IQSEC1: variants seen among roughly 807,000 people sequenced by gnomAD.
The protein encoded by IQSEC1 is IQ motif and Sec7 domain ArfGEF 1.
A neutral mutation model predicts 91.0 loss-of-function variants in IQSEC1; 31 were observed. The ratio of observed to expected loss-of-function variants is 0.34; its 90% CI spans 0.26 to 0.46. IQSEC1 has a LOEUF of 0.46. Ranked by LOEUF, IQSEC1 falls within the 20% of genes least tolerant of loss-of-function variation. The pLI, the probability that IQSEC1 is intolerant of heterozygous loss-of-function variation, is 1.00. For synonymous variants in IQSEC1, 699 were observed against 662.6 expected (o/e 1.05, Z -0.84); for missense variants, 1,388 against 1,575.6 (o/e 0.88, Z 2.02).
chr3:13,153,784 T>C (rs572768073), intron 2 of IQSEC1, among the ~76,000 whole-genome samples: 12 of 152,320 alleles, frequency 7.9e-5, no homozygotes, highest in African/African-American at 2.9e-4. Flanking sequence ...CCTTCCCAGC[T>C]GGGCAGTGAG....
At chr3:13,109,761 A>G (rs1030488148) in intron 2 of IQSEC1, among the ~76,000 whole-genome samples, 18 of 148,012 alleles carry the variant, frequency 1.2e-4, no homozygotes, top group African/African-American at 4.2e-4. Context: ...TGCTTCCCGT[A>G]TAGCCTGCAG....
chr3:13,221,377 G>A (rs1466332030), intron 1 of IQSEC1, among the ~76,000 whole-genome samples: 1 of 152,244 alleles, frequency 6.6e-6, no homozygotes, highest in East Asian at 1.9e-4. Flanking sequence ...TGCGGTAGGA[G>A]CCAGGGAGAG....
At chr3:13,072,023 G>A (rs461693) in intron 1 of IQSEC1, among the ~76,000 whole-genome samples, 78,088 of 151,674 alleles carry the variant, frequency 0.51, 20,289 homozygotes, top group East Asian at 0.65. Flanking sequence ...GGCCTCCATC[G>A]ATTAGGGAGG....
intron 1 of IQSEC1, among the ~76,000 whole-genome samples, chr3:13,273,811 T>C (rs1372110641): frequency 6.6e-6 from 1 of 152,174 alleles, no homozygotes; most frequent in Non-Finnish European, 1.5e-5. Context: ...TGGGCCCACA[T>C]GGCCCTGCTG....
chr3:12,963,654 G>C (rs1700378123), intron 1 of IQSEC1, among the ~76,000 whole-genome samples: 1 of 152,208 alleles, frequency 6.6e-6, no homozygotes, highest in South Asian at 2.1e-4. Flanking sequence ...CTCAGAGATG[G>C]AAGGCAACAT....
Position 12,908,199 on chromosome 3 carries a change from A to G in IQSEC1, c.2755+150T>C, listed in dbSNP as rs1695190467. 2 of 771,470 alleles carry G rather than the reference A, an allele frequency of 2.6e-6. No individual in the cohort carries two copies. Among genetic ancestry groups the G allele is most frequent in the Non-Finnish European group, 4.1e-6 (2 of 491,056 alleles). 47.8% of individuals were successfully genotyped at this position (771,470 alleles called of 1,614,324 possible). On this transcript the variant is annotated intron_variant, in intron 12 of 13. Transcript: ENST00000613206. The surrounding 1 kb of genome is among the most constrained non-coding windows in gnomAD (Gnocchi z 4.9). ...TTGGGGCGCCCTTTCTGTATGTCAC[A>G]CGCTGCTCTGCTTTGCGGAAGGTCA...
At chr3:13,140,148 C>T (rs1576268232) in intron 2 of IQSEC1, among the ~76,000 whole-genome samples, 1 of 152,224 alleles carries the variant, frequency 6.6e-6, no homozygotes. Context: ...GACACTCCCT[C>T]CTCCAGGCAG....
intron 1 of IQSEC1, among the ~76,000 whole-genome samples, chr3:13,236,235 T>C (rs1037404771): frequency 6.6e-6 from 1 of 152,034 alleles, no homozygotes; most frequent in Admixed American, 6.5e-5. Context: ...GGTGGGCGTG[T>C]GCCCTCCAAC....
At chr3:13,240,139 G>A (rs1029082724) in intron 1 of IQSEC1, among the ~76,000 whole-genome samples, 1 of 152,104 alleles carries the variant, frequency 6.6e-6, no homozygotes, top group Non-Finnish European at 1.5e-5. Flanking sequence ...AGCACTTTGG[G>A]AAGCTGAGGC....
chr3:12,974,095 G>C (rs1156720201), intron 1 of IQSEC1, among the ~76,000 whole-genome samples: 1 of 152,210 alleles, frequency 6.6e-6, no homozygotes. Context: ...CTGCAATAAA[G>C]AACCACTGCA....
At chr3:13,044,698 C>A (rs1041351457) in intron 1 of IQSEC1, among the ~76,000 whole-genome samples, 1 of 152,242 alleles carries the variant, frequency 6.6e-6, no homozygotes, top group Non-Finnish European at 1.5e-5. Context: ...CGCCCCCCCA[C>A]ACTCCTGGAG....
chr3:13,118,391 C>CAAATGGTGAA (rs1300593170), intron 2 of IQSEC1, among the ~76,000 whole-genome samples: 1 of 152,140 alleles, frequency 6.6e-6, no homozygotes, highest in Admixed American at 6.5e-5. Context: ...TTACAGTTGC[C>CAAATGGTGAA]AAATGGTGAA....
intron 2 of IQSEC1, among the ~76,000 whole-genome samples, chr3:13,098,275 C>T (rs1023863371): frequency 6.6e-5 from 10 of 152,332 alleles, no homozygotes; most frequent in African/African-American, 9.6e-5. Flanking sequence ...ATGGAACCAA[C>T]GAGGAAGCAA....
chr3:13,052,684 T>G (rs1189422229), intron 1 of IQSEC1, among the ~76,000 whole-genome samples: 1 of 152,014 alleles, frequency 6.6e-6, no homozygotes, highest in African/African-American at 2.4e-5. Context: ...TGATCCAGTT[T>G]CCCCACAGCC....
At chr3:12,969,678 G>A (rs1241094583) in intron 1 of IQSEC1, among the ~76,000 whole-genome samples, 1 of 152,182 alleles carries the variant, frequency 6.6e-6, no homozygotes, top group Non-Finnish European at 1.5e-5. Context: ...CTCTGGGCAC[G>A]GTCTTTGACA....
chr3:12,920,855 A>T (rs2125171880), intron 5 of IQSEC1, among the ~76,000 whole-genome samples: 1 of 152,266 alleles, frequency 6.6e-6, no homozygotes, highest in South Asian at 2.1e-4. Flanking sequence ...AGCTCAGAGT[A>T]GCCACACCAC....
chr3:13,247,463 T>C (rs1695127502), intron 1 of IQSEC1, among the ~76,000 whole-genome samples: 1 of 152,208 alleles, frequency 6.6e-6, no homozygotes, highest in Non-Finnish European at 1.5e-5. Context: ...ATCGCCCCCC[T>C]TGGGACAAGG....
chr3:13,156,405 A>T (rs768060921), intron 2 of IQSEC1, among the ~76,000 whole-genome samples: 12 of 152,230 alleles, frequency 7.9e-5, no homozygotes, highest in Non-Finnish European at 1.3e-4. Flanking sequence ...CAAGACAAGG[A>T]TGTCATTTTT....
At chr3:13,196,760 G>C (rs903333988) in intron 1 of IQSEC1, among the ~76,000 whole-genome samples, 7 of 46,000 alleles carry the variant, frequency 1.5e-4, no homozygotes, top group African/African-American at 7.8e-4. Context: ...GTGTGTGTGT[G>C]TGTGTGTGTG....
Sources: gnomAD v4.1 joint callset for allele counts (sites outside exome capture counted in the v4.1 genomes callset) on GRCh38, gnomAD v4.1.1 for gene constraint, Gnocchi (gnomAD v3.1) non-coding constraint, MANE v1.5 for transcripts, NCBI Gene and HGNC (gene_info 2026-07-23, HGNC 2026-07-21) for gene names.